Variants in NETO2 observed in about 807,000 individuals in gnomAD.
NETO2 encodes neuropilin and tolloid like 2, also known as neuropilin and tolloid-like protein 2.
In NETO2, 28 loss-of-function variants were observed where a neutral mutation model predicts 62.5. The observed-to-expected ratio is 0.45, with a 90% CI of 0.33 to 0.61. NETO2 has a LOEUF of 0.61. Among genes scored for constraint, NETO2 ranks in the 20% least tolerant of loss-of-function variants. NETO2 has a pLI of 0.02. For missense variants in NETO2, 548 were observed against 643.2 expected, an observed-to-expected ratio of 0.85 and a Z score of 1.60; for synonymous variants, 214 against 219.1, an observed-to-expected ratio of 0.98 and a Z score of 0.21.
chr16:47,088,077 C>T (rs570455026), intron 7 of NETO2, among the ~76,000 whole-genome samples: 9 of 151,832 alleles, frequency 5.9e-5, no homozygotes, highest in Non-Finnish European at 7.4e-5. Flanking sequence ...CCATTCAGTA[C>T]GACAGAAGCC....
At chr16:47,097,187 T>C (rs574546707) in intron 7 of NETO2, among the ~76,000 whole-genome samples, 1 of 152,110 alleles carries the variant, frequency 6.6e-6, no homozygotes, top group African/African-American at 2.4e-5. Context: ...TTCATTCCCC[T>C]GGAAAGGGGG....
chr16:47,118,713 C>T (rs916743563), intron 6 of NETO2, among the ~76,000 whole-genome samples: 1 of 152,142 alleles, frequency 6.6e-6, no homozygotes, highest in African/African-American at 2.4e-5. Context: ...ACAATTATAA[C>T]CTAGCCAATC....
chr16:47,116,292 G>A (rs1050223875), intron 6 of NETO2, among the ~76,000 whole-genome samples: 1 of 152,024 alleles, frequency 6.6e-6, no homozygotes, highest in Non-Finnish European at 1.5e-5. Flanking sequence ...GGTTTAGCTG[G>A]TAGGTTTTTG....
At position 47,109,487 on chromosome 16, in the gene NETO2, CACAAAGGAAG is replaced by C. The variant is rs1963743548; in HGVS notation, c.869_878del (p.Thr290ArgfsTer22). The C allele has an allele frequency of 6.2e-7, 1 of 1,610,542 alleles. No individual in the cohort carries two copies. The highest frequency in any genetic ancestry group is 8.5e-7 in the Non-Finnish European group (1 of 1,177,082). ...CTATAGGAATTATTTACTTACGCTCCACAAAGGAAGTAAAGAGCATTCGAAACCTGCTAAG... is the reference window on the plus strand; with the variant it reads ...CTATAGGAATTATTTACTTACGCTCCTAAAGAGCATTCGAAACCTGCTAAG... On this transcript the variant is annotated frameshift_variant, in exon 7 of 9. Transcript: ENST00000562435. LOFTEE classifies it high-confidence loss of function.
chr16:47,137,766 T>C (rs1382736421), intron 1 of NETO2, among the ~76,000 whole-genome samples: 1 of 152,244 alleles, frequency 6.6e-6, no homozygotes, highest in East Asian at 1.9e-4. Context: ...AATTTTTTTG[T>C]TCTTATACTG....
chr16:47,131,405 T>A (rs1287519077), intron 2 of NETO2, among the ~76,000 whole-genome samples: 1 of 152,182 alleles, frequency 6.6e-6, no homozygotes, highest in East Asian at 1.9e-4. Flanking sequence ...GGAAGTTAAG[T>A]AGGGCAAGAT....
intron 4 of NETO2, among the ~76,000 whole-genome samples, chr16:47,123,742 G>A (rs572570017): frequency 6.6e-6 from 1 of 152,286 alleles, no homozygotes; most frequent in South Asian, 2.1e-4. Flanking sequence ...CTGTTGCCCA[G>A]GCAGGAGTAC....
chr16:47,111,914 C>G, intron 6 of NETO2, among the ~76,000 whole-genome samples: 1 of 152,160 alleles, frequency 6.6e-6, no homozygotes, highest in Admixed American at 6.5e-5. Context: ...GTTCAGCACT[C>G]CACCAGGGAA....
intron 4 of NETO2, among the ~76,000 whole-genome samples, chr16:47,123,154 T>C: frequency 6.6e-6 from 1 of 152,224 alleles, no homozygotes; most frequent in East Asian, 1.9e-4. Flanking sequence ...ACATCAACTG[T>C]CAGAGTTGAA....
chr16:47,107,431 G>A (rs1963698994), intron 7 of NETO2, among the ~76,000 whole-genome samples: 1 of 152,218 alleles, frequency 6.6e-6, no homozygotes, highest in South Asian at 2.1e-4. Flanking sequence ...AGAAAGAACT[G>A]TACGTAAGGT....
intron 7 of NETO2, among the ~76,000 whole-genome samples, chr16:47,108,773 G>GT (rs1474925108): frequency 2.6e-5 from 4 of 152,138 alleles, no homozygotes; most frequent in Non-Finnish European, 5.9e-5. Context: ...TAATAATATC[G>GT]TATCTGTGTT....
chr16:47,129,377 C>A lies in NETO2; in HGVS notation c.92-13G>T. On this transcript the variant is annotated splice_polypyrimidine_tract_variant and intron_variant, in intron 2 of 8. Transcript: ENST00000562435. The stretch of plus-strand genomic sequence containing the variant: ...ATATTTTGTCCATCTTAGGGAAAAA[C>A]GGCATTTAAAACACTCATTACAGCA... 6.2e-7 allele frequency: 1 copy of A among 1,612,596 alleles called. No individual in the cohort carries two copies.
rs1963100778 is a variant in NETO2, at chr16:47,083,013, T to C, written c.*208A>G. 2.1e-6 allele frequency: 1 copy of C among 487,088 alleles called. No homozygotes were observed. The highest frequency in any genetic ancestry group is 3.6e-5 in the Admixed American group (1 of 27,482). The allele number at this position is 487,088 out of a possible 1,614,324, so 30.2% of individuals were successfully genotyped here. A position where few individuals can be genotyped will look rare whatever the true frequency, so the allele number is the denominator to read the frequency against. ...CACCAAGCAATAGAGATGATTATTGTTTCCACTGAATAGAGTAAGTTCCTT... is the reference window on the plus strand; with the variant it reads ...CACCAAGCAATAGAGATGATTATTGCTTCCACTGAATAGAGTAAGTTCCTT... On this transcript the variant is annotated 3_prime_UTR_variant, in exon 9 of 9. Coordinates refer to ENST00000562435, the MANE Select transcript of NETO2 (RefSeq NM_018092.5).
intron 7 of NETO2, among the ~76,000 whole-genome samples, chr16:47,093,052 T>TTAACTCATATCC (rs1963346025): frequency 6.6e-6 from 1 of 152,208 alleles, no homozygotes; most frequent in Non-Finnish European, 1.5e-5. Flanking sequence ...AAGTAAACTC[T>TTAACTCATATCC]TAACTCATAT....
intron 6 of NETO2, among the ~76,000 whole-genome samples, chr16:47,112,693 T>C (rs1415581669): frequency 6.6e-6 from 1 of 152,214 alleles, no homozygotes; most frequent in Non-Finnish European, 1.5e-5. Context: ...ATTTTAAAAT[T>C]TGATCCAATT....
At chr16:47,132,877 C>CT (rs897904241) in intron 1 of NETO2, among the ~76,000 whole-genome samples, 11 of 152,108 alleles carry the variant, frequency 7.2e-5, no homozygotes, top group African/African-American at 2.2e-4. Context: ...TGAATCTAGG[C>CT]TAGGGTTCAA....
At chr16:47,113,009 T>C (rs893123710) in intron 6 of NETO2, among the ~76,000 whole-genome samples, 3 of 152,226 alleles carry the variant, frequency 2.0e-5, no homozygotes, top group African/African-American at 7.2e-5. Context: ...CTATTGGGCA[T>C]TTAGCTTGCT....
At chr16:47,116,207 G>A (rs1963919360) in intron 6 of NETO2, among the ~76,000 whole-genome samples, 1 of 146,624 alleles carries the variant, frequency 6.8e-6, no homozygotes. Flanking sequence ...TTGAACTCCT[G>A]AGCTCAAGTG....
At chr16:47,106,460 G>A (rs1963677003) in intron 7 of NETO2, among the ~76,000 whole-genome samples, 1 of 151,986 alleles carries the variant, frequency 6.6e-6, no homozygotes, top group Non-Finnish European at 1.5e-5. Flanking sequence ...TTTATGCCAT[G>A]TATATTTTGC....
Sources: gnomAD v4.1 joint callset for allele counts (sites outside exome capture counted in the v4.1 genomes callset) on GRCh38, gnomAD v4.1.1 for gene constraint, MANE v1.5 for transcripts, NCBI Gene and HGNC (gene_info 2026-07-23, HGNC 2026-07-21) for gene names.